The following AKIRIN2 variants were observed in gnomAD, a reference collection of about 807,000 sequenced individuals.
AKIRIN2 encodes the protein akirin-2.
In AKIRIN2, 6 loss-of-function variants were observed where a neutral mutation model predicts 29.3. That is an observed-to-expected ratio of 0.20 (90% CI 0.11 to 0.40). AKIRIN2 has a LOEUF of 0.40. Among genes scored for constraint, AKIRIN2 ranks in the 10% least tolerant of loss-of-function variants. AKIRIN2 has a pLI of 1.00. For missense variants in AKIRIN2, 210 were observed against 276.1 expected, an observed-to-expected ratio of 0.76 and a Z score of 1.70; for synonymous variants, 128 against 117.5, an observed-to-expected ratio of 1.09 and a Z score of -0.58.
At position 87,675,846 on chromosome 6, in the gene AKIRIN2, G is replaced by A. The variant is rs762231312; in HGVS notation, c.601+14C>T. ...CTTATTTTCAGTTTATAACTTCAAA[G>A]GTGAAATACTTACAGCTAGCAGGCT... is the stretch of plus-strand genomic sequence containing the variant. On this transcript the variant is annotated intron_variant, in intron 4 of 4. Transcript: ENST00000257787. 1.2e-6 allele frequency: 2 copies of A among 1,609,532 alleles called. No homozygotes were observed. The highest frequency in any genetic ancestry group is 1.7e-6 in the Non-Finnish European group (2 of 1,177,490).
At chr6:87,684,877 G>A (rs1771164893) in intron 1 of AKIRIN2, among the ~76,000 whole-genome samples, 1 of 152,232 alleles carries the variant, frequency 6.6e-6, no homozygotes, top group South Asian at 2.1e-4. Context: ...AAATACCTAG[G>A]AGTGGGAATG....
chr6:87,694,691 T>C (rs1771330591), intron 1 of AKIRIN2, among the ~76,000 whole-genome samples: 1 of 152,106 alleles, frequency 6.6e-6, no homozygotes, highest in Non-Finnish European at 1.5e-5. Context: ...CCTGTGACAC[T>C]TGTGACAGAT....
At chr6:87,694,161 A>G (rs912459910) in intron 1 of AKIRIN2, among the ~76,000 whole-genome samples, 8 of 152,210 alleles carry the variant, frequency 5.3e-5, no homozygotes, top group African/African-American at 1.9e-4. Context: ...GAGTTTTACA[A>G]GAATTAACAT....
At chr6:87,680,594 T>A (rs915903420) in intron 2 of AKIRIN2, among the ~76,000 whole-genome samples, 38 of 151,926 alleles carry the variant, frequency 2.5e-4, no homozygotes, top group African/African-American at 9.2e-4. Context: ...TTCTGCCAGG[T>A]TTTCCTTCCC....
At chr6:87,692,342 A>C (rs1771290169) in intron 1 of AKIRIN2, among the ~76,000 whole-genome samples, 1 of 152,204 alleles carries the variant, frequency 6.6e-6, no homozygotes, top group Admixed American at 6.5e-5. Context: ...CATCATGTGC[A>C]CATTTCCTGA....
rs1053519479 is a variant in AKIRIN2 at position 87,681,781 on chromosome 6, A to G, written c.236-18T>C. ...AATTTGTTCTAAAATAAAAAAGTTAAAATTTGGCAAGATAAAAACTTTCAC... is the reference window on the plus strand; with the variant it reads ...AATTTGTTCTAAAATAAAAAAGTTAGAATTTGGCAAGATAAAAACTTTCAC... On this transcript the variant is annotated intron_variant, in intron 1 of 4. Transcript: ENST00000257787. The G allele has an allele frequency of 2.6e-6, 4 of 1,546,836 alleles. No individual in the cohort carries two copies. In the African/African-American group the frequency reaches 4.2e-5, roughly 16 times the overall value.
In AKIRIN2 at chr6:87,692,685, G is replaced by A. The variant is rs933734242; in HGVS notation, c.235+8765C>T. 4.6e-5 allele frequency among the ~76,000 whole-genome samples: 7 copies of A among 152,248 alleles called. No individual in the cohort carries two copies. In the South Asian group the frequency reaches 8.3e-4, roughly 18 times the overall value. ...AAATTAGCTGGGTGTGGCGGCGCAC[G>A]CCTGTAATCCCCGCTACTCAGAAGG... On this transcript the variant is annotated intron_variant, in intron 1 of 4. Coordinates refer to ENST00000257787, the MANE Select transcript of AKIRIN2 (RefSeq NM_018064.4).
intron 3 of AKIRIN2, 122 bp from the exon 4 acceptor site, chr6:87,676,053 G>A: frequency 2.7e-6 from 2 of 750,498 alleles, no homozygotes; most frequent in African/African-American, 1.8e-5. Context: ...CATAACCTCA[G>A]TAGTACTAAT....
intron 1 of AKIRIN2, among the ~76,000 whole-genome samples, chr6:87,685,631 G>T (rs1157496922): frequency 1.3e-5 from 2 of 152,166 alleles, no homozygotes; most frequent in African/African-American, 4.8e-5. Flanking sequence ...TTTGGCTTAT[G>T]AGGCATAGAC....
intron 1 of AKIRIN2, among the ~76,000 whole-genome samples, chr6:87,687,435 G>A (rs1582121145): frequency 6.3e-5 from 2 of 31,700 alleles, no homozygotes; most frequent in Admixed American, 4.5e-4. Flanking sequence ...GCAAAATTCC[G>A]TTTCAAAAAA....
chr6:87,676,596 A>AACACACGCACGCGCGCACAC (rs1485678233), intron 3 of AKIRIN2, among the ~76,000 whole-genome samples: 226 of 142,144 alleles, frequency 1.6e-3, no homozygotes, highest in African/African-American at 5.8e-3. Context: ...CTCTACTAAA[A>AACACACGCACGCGCGCACAC]ACACACACAC....
chr6:87,700,395 G>T (rs866198329), intron 1 of AKIRIN2: 2 of 152,146 alleles, frequency 1.3e-5, no homozygotes, highest in Non-Finnish European at 2.9e-5. Context: ...TGTCTAAAGG[G>T]TGATATTATT....
intron 1 of AKIRIN2, among the ~76,000 whole-genome samples, chr6:87,697,197 C>G (rs1771384289): frequency 1.3e-5 from 2 of 151,748 alleles, no homozygotes; most frequent in African/African-American, 2.4e-5. Context: ...CCTGTAATCC[C>G]AGCTACTCCA....
At chr6:87,679,853 G>A (rs1179044241) in intron 2 of AKIRIN2, among the ~76,000 whole-genome samples, 2 of 152,296 alleles carry the variant, frequency 1.3e-5, no homozygotes, top group African/African-American at 4.8e-5. Flanking sequence ...ACATATTCAA[G>A]TGCACCATTC....
intron 1 of AKIRIN2, among the ~76,000 whole-genome samples, chr6:87,688,379 G>A (rs530945028): frequency 2.0e-5 from 3 of 151,798 alleles, no homozygotes; most frequent in Non-Finnish European, 2.9e-5. Flanking sequence ...TGATCCTCCC[G>A]CCTCAGTCTC....
chr6:87,677,472 T>C (rs1004878355), intron 3 of AKIRIN2, among the ~76,000 whole-genome samples: 1 of 152,210 alleles, frequency 6.6e-6, no homozygotes, highest in Non-Finnish European at 1.5e-5. Context: ...ACTTACACAG[T>C]GACAGCCAAT....
intron 1 of AKIRIN2, among the ~76,000 whole-genome samples, chr6:87,689,735 A>G (rs1304170258): frequency 6.6e-6 from 1 of 152,198 alleles, no homozygotes; most frequent in Non-Finnish European, 1.5e-5. Flanking sequence ...TAATGCACAC[A>G]CAGATTACCT....
At chr6:87,675,836 TA>T in intron 4 of AKIRIN2, 23 bp downstream of exon 4, 1 of 1,602,024 alleles carries the variant, frequency 6.2e-7, no homozygotes, top group Non-Finnish European at 8.5e-7. Context: ...TTTCAGTTTA[TA>T]ACTTCAAAGG....
intron 1 of AKIRIN2, among the ~76,000 whole-genome samples, chr6:87,683,636 A>T (rs572026820): frequency 6.6e-6 from 1 of 152,094 alleles, no homozygotes; most frequent in Non-Finnish European, 1.5e-5. Flanking sequence ...TTTCAGTAAC[A>T]ACAATCTAAA....
Sources: gnomAD v4.1 joint callset for allele counts (sites outside exome capture counted in the v4.1 genomes callset) on GRCh38, gnomAD v4.1.1 for gene constraint, MANE v1.5 for transcripts, NCBI Gene and HGNC (gene_info 2026-07-23, HGNC 2026-07-21) for gene names.